Variants in C10orf88 observed in about 807,000 individuals in gnomAD.
C10orf88 encodes ATPase PAAT.
Under a neutral mutation model 34.2 loss-of-function variants are expected in C10orf88, and 29 were observed. The ratio of observed to expected loss-of-function variants is 0.85; its 90% CI spans 0.63 to 1.16. C10orf88 has a LOEUF of 1.16. C10orf88 is among the 50% of genes most tolerant of loss of function. C10orf88 has a pLI of 0.00. For missense variants in C10orf88, 507 were observed against 533.2 expected (o/e 0.95, Z 0.48); for synonymous variants, 194 against 197.4 (o/e 0.98, Z 0.15).
intron 5 of C10orf88, among the ~76,000 whole-genome samples, chr10:122,936,194 G>A (rs1159856079): frequency 4.0e-5 from 6 of 151,698 alleles, no homozygotes; most frequent in African/African-American, 1.2e-4. Flanking sequence ...GGTAGTTTGT[G>A]GTTTTGGGGA....
intron 5 of C10orf88, among the ~76,000 whole-genome samples, chr10:122,935,774 T>G (rs1848529165): frequency 6.6e-6 from 1 of 151,828 alleles, no homozygotes; most frequent in Non-Finnish European, 1.5e-5. Context: ...GTCTCTCCAG[T>G]TTTTAGGGCT....
chr10:122,947,977 G>C, intron 4 of C10orf88, among the ~76,000 whole-genome samples: 1 of 152,094 alleles, frequency 6.6e-6, no homozygotes, highest in East Asian at 1.9e-4. Context: ...TCTCCTTGTA[G>C]TCTCACTTTC....
chr10:122,943,411 C>G (rs1237046241), intron 4 of C10orf88, among the ~76,000 whole-genome samples: 5 of 150,604 alleles, frequency 3.3e-5, no homozygotes, highest in African/African-American at 1.2e-4. Flanking sequence ...GACCTAAAAC[C>G]ATAAAAACCC....
intron 5 of C10orf88, among the ~76,000 whole-genome samples, chr10:122,934,846 A>C (rs559570505): frequency 3.3e-5 from 5 of 152,248 alleles, no homozygotes; most frequent in African/African-American, 1.2e-4. Context: ...TTTAAATTTT[A>C]GCCATCCAAA....
intron 4 of C10orf88, among the ~76,000 whole-genome samples, chr10:122,947,653 C>T (rs1370896486): frequency 8.5e-5 from 13 of 152,172 alleles, no homozygotes; most frequent in Non-Finnish European, 1.9e-4. Flanking sequence ...CCTCTGTTTC[C>T]AGATGTTTGC....
intron 4 of C10orf88, among the ~76,000 whole-genome samples, chr10:122,948,160 C>A (rs1388825849): frequency 6.6e-6 from 1 of 152,132 alleles, no homozygotes; most frequent in Non-Finnish European, 1.5e-5. Context: ...CATTTCCCAG[C>A]TATATCAAAT....
chr10:122,954,061 G>A lies in C10orf88; in HGVS notation c.118C>T (p.Pro40Ser), dbSNP rs772386831. The change falls in exon 1 of 6, where the codon CCC (proline) becomes TCC (serine). Residue 40 changes from proline to serine, a missense_variant. Transcript: ENST00000481909. ...AGCTCCTCCCAGTCGAAGTCACCGG[G>A]GCCGAGACCGGCCCGGGTGAGGAGG... ...SLLLTRAGLG[P>S]GDFDWEELLA... 1.9e-5 allele frequency: 29 copies of A among 1,547,480 alleles called. No individual in the cohort carries two copies. In the East Asian group the frequency reaches 3.0e-4, roughly 16 times the overall value.
chr10:122,939,629 T>C (rs1476055522), intron 4 of C10orf88, among the ~76,000 whole-genome samples: 2 of 151,912 alleles, frequency 1.3e-5, no homozygotes, highest in African/African-American at 2.4e-5. Flanking sequence ...TGGAATAAGA[T>C]GAATTATGTA....
chr10:122,947,394 C>T (rs144014518), intron 4 of C10orf88, among the ~76,000 whole-genome samples: 6 of 152,232 alleles, frequency 3.9e-5, no homozygotes, highest in Non-Finnish European at 7.4e-5. Context: ...AGATTTTGTA[C>T]ATGAGGAATT....
At position 122,938,148 on chromosome 10, in the gene C10orf88, G is replaced by T. The variant is rs1265328315; in HGVS notation, c.660C>A (p.Pro220=). ...ACACCGACTGAAGCTGCTCTCCAATGGGAATACAATTCTAAACAAGGTAAA... is the reference window on the plus strand; with the variant it reads ...ACACCGACTGAAGCTGCTCTCCAATTGGAATACAATTCTAAACAAGGTAAA... ...MVRCQQRNCI[P]IGEQLQSVLG... The change falls in exon 5 of 6, where the codon CCC becomes CCA. Residue 220 remains proline (P), a synonymous_variant. Transcript: ENST00000481909. 2 of 1,595,710 alleles carry T rather than the reference G, an allele frequency of 1.3e-6. No individual in the cohort carries two copies. Among genetic ancestry groups the T allele is most frequent in the African/African-American group, 2.7e-5 (2 of 74,306 alleles).
chr10:122,944,227 G>C (rs1848614312), intron 4 of C10orf88, among the ~76,000 whole-genome samples: 2 of 151,896 alleles, frequency 1.3e-5, no homozygotes, highest in African/African-American at 2.4e-5. Context: ...CCTTTGTAGG[G>C]ACATGGATGA....
chr10:122,936,709 T>C (rs1329912291), intron 5 of C10orf88, among the ~76,000 whole-genome samples: 1 of 151,972 alleles, frequency 6.6e-6, no homozygotes, highest in Non-Finnish European at 1.5e-5. Context: ...TTCTGTGTAA[T>C]AGGTTTAATT....
At chr10:122,951,442 A>G (rs1848688737) in intron 3 of C10orf88, among the ~76,000 whole-genome samples, 2 of 151,934 alleles carry the variant, frequency 1.3e-5, no homozygotes, top group Non-Finnish European at 2.9e-5. Flanking sequence ...CCTGGGCTTG[A>G]GCAATCCTCC....
intron 5 of C10orf88, among the ~76,000 whole-genome samples, chr10:122,935,752 T>C (rs1383831642): frequency 6.6e-6 from 1 of 151,912 alleles, no homozygotes; most frequent in Non-Finnish European, 1.5e-5. Flanking sequence ...TTCAAATCCA[T>C]GAATATGGTA....
intron 4 of C10orf88, among the ~76,000 whole-genome samples, chr10:122,938,984 CA>C (rs1251836726): frequency 2.0e-5 from 3 of 152,094 alleles, no homozygotes; most frequent in Admixed American, 6.6e-5. Flanking sequence ...AGATTCTTAT[CA>C]GGGGTTATCA....
chr10:122,953,750 T>C (rs1167156630), intron 1 of C10orf88, among the ~76,000 whole-genome samples: 1 of 117,214 alleles, frequency 8.5e-6, no homozygotes, highest in Non-Finnish European at 1.8e-5. Flanking sequence ...TGAGGGGCTA[T>C]CACGCCTGAT....
chr10:122,942,774 A>G (rs1235153239), intron 4 of C10orf88, among the ~76,000 whole-genome samples: 1 of 151,494 alleles, frequency 6.6e-6, no homozygotes, highest in Non-Finnish European at 1.5e-5. Context: ...CCCATTCACA[A>G]TTGCTTCAAA....
At chr10:122,948,888 A>T in intron 3 of C10orf88, 33 bp from the exon 4 acceptor site, 1 of 1,564,090 alleles carries the variant, frequency 6.4e-7, no homozygotes, top group Non-Finnish European at 8.7e-7. Flanking sequence ...GAAAAGAATG[A>T]TATTAAAAAC....
chr10:122,948,047 A>G (rs1439095542), intron 4 of C10orf88, among the ~76,000 whole-genome samples: 1 of 152,212 alleles, frequency 6.6e-6, no homozygotes, highest in African/African-American at 2.4e-5. Flanking sequence ...AGTCAAAAAC[A>G]TCTACAAATT....
Sources: gnomAD v4.1 joint callset for allele counts (sites outside exome capture counted in the v4.1 genomes callset) on GRCh38, gnomAD v4.1.1 for gene constraint, MANE v1.5 for transcripts, NCBI Gene and HGNC (gene_info 2026-07-23, HGNC 2026-07-21) for gene names.